The following HTT variants were observed in gnomAD, a reference collection of about 807,000 sequenced individuals.
HTT encodes huntingtin, also known as huntington disease protein.
Under a neutral mutation model 362.3 loss-of-function variants are expected in HTT, and 104 were observed. The ratio of observed to expected loss-of-function variants is 0.29; its 90% confidence interval spans 0.24 to 0.34. The LOEUF is 0.34. Among genes scored for constraint, HTT ranks in the 10% least tolerant of loss-of-function variants. The probability of loss-of-function intolerance (pLI) is 1.00; values close to 1 mark genes in which losing one functional copy is unlikely to be tolerated. For synonymous variants in HTT, 1,577 were observed against 1,548.7 expected, an observed-to-expected ratio of 1.02 and a Z score of -0.43; for missense variants, 3,301 against 3,928.6, an observed-to-expected ratio of 0.84 and a Z score of 4.27.
chr4:3,236,326 G>A, intron 64 of HTT, 72 bp downstream of exon 64: 1 of 1,027,184 alleles, frequency 9.7e-7, no homozygotes, highest in Non-Finnish European at 1.5e-6. Flanking sequence ...GCTTTTGTGT[G>A]TGTCTGCTGA....
intron 26 of HTT, among the ~76,000 whole-genome samples, chr4:3,149,670 C>T (rs1290640929): frequency 6.6e-6 from 1 of 152,138 alleles, no homozygotes; most frequent in Admixed American, 6.6e-5. Flanking sequence ...TGTCTTCTAC[C>T]TTTAAAAATC....
chr4:3,113,518 C>T (rs551035849), intron 6 of HTT, among the ~76,000 whole-genome samples: 16 of 152,172 alleles, frequency 1.1e-4, no homozygotes, highest in South Asian at 2.1e-4. Flanking sequence ...TTAGTAGAGA[C>T]GGGGTTTCAC....
At chr4:3,099,977 A>G (rs1714070951) in intron 3 of HTT, among the ~76,000 whole-genome samples, 1 of 151,732 alleles carries the variant, frequency 6.6e-6, no homozygotes, top group Non-Finnish European at 1.5e-5. Context: ...TGGTTTGGAG[A>G]TGCTCTGGTA....
chr4:3,101,456 C>T (rs1026766968), intron 3 of HTT, among the ~76,000 whole-genome samples: 4 of 152,174 alleles, frequency 2.6e-5, no homozygotes, highest in Admixed American at 6.5e-5. Flanking sequence ...GGGCTGGCAG[C>T]GGGATCAGGA....
chr4:3,230,047 G>A lies in HTT; in HGVS notation c.8265+5G>A. The A allele has an allele frequency of 6.2e-7, 1 of 1,613,394 alleles. No homozygotes were observed. Among genetic ancestry groups the A allele is most frequent in the Non-Finnish European group, 8.5e-7 (1 of 1,179,352 alleles). On this transcript the variant is annotated splice_donor_5th_base_variant and intron_variant, in intron 60 of 66. Coordinates refer to ENST00000355072, the MANE Select transcript of HTT (RefSeq NM_001388492.1). ...GCAGCTGCCGTCCTTGGGATGGTAAGTGACAGGTGGCACAGAGGTTTCTGT... is the reference window on the plus strand; with the variant it reads ...GCAGCTGCCGTCCTTGGGATGGTAAATGACAGGTGGCACAGAGGTTTCTGT...
intron 51 of HTT, among the ~76,000 whole-genome samples, chr4:3,216,548 C>G (rs1438656238): frequency 1.3e-5 from 2 of 152,208 alleles, no homozygotes; most frequent in Non-Finnish European, 2.9e-5. Flanking sequence ...AGTTAGATTT[C>G]CATTGCTTTA....
At chr4:3,146,511 C>G (rs1228328654) in intron 24 of HTT, among the ~76,000 whole-genome samples, 1 of 152,210 alleles carries the variant, frequency 6.6e-6, no homozygotes, top group African/African-American at 2.4e-5. Flanking sequence ...TGTCTCATCT[C>G]CAGTTCAGCA....
Position 3,210,037 on chromosome 4 carries a change from G to C in HTT, c.6414+88G>C, listed in dbSNP as rs549271263. On this transcript the variant is annotated intron_variant, in intron 47 of 66. Transcript: ENST00000355072. Reference sequence around the variant, plus strand: ...TGTCTCATCATCATGTGACCCACTTGTTGACAACACATGTTGGGGACTCCA... The same window carrying C: ...TGTCTCATCATCATGTGACCCACTTCTTGACAACACATGTTGGGGACTCCA... 85 of 1,514,634 alleles carry C rather than the reference G, an allele frequency of 5.6e-5. No individual in the cohort carries two copies. The African/African-American group carries it at 1.0e-3, about 18-fold the overall frequency. The allele number at this position is 1,514,634 out of a possible 1,614,324, so 93.8% of individuals were successfully genotyped here.
intron 3 of HTT, among the ~76,000 whole-genome samples, chr4:3,103,221 A>AATTT (rs1553911624): frequency 9.2e-6 from 1 of 109,070 alleles, no homozygotes; most frequent in African/African-American, 3.7e-5. Flanking sequence ...TATATATATA[A>AATTT]TTTTTTTTTT....
In HTT at chr4:3,146,820, A is replaced by G. The variant is rs78958847; in HGVS notation, c.3167A>G (p.Asp1056Gly). The change falls in exon 25 of 67, where the codon GAT becomes GGT. Residue 1056 changes from aspartate to glycine, a missense_variant. Asp to Gly is a moderately conservative substitution (Grantham distance 94). Transcript: ENST00000355072. ...HCGVPPLSAS[D>G]ESRKSCTVGM... ...AGAGTGCCTCCACTGAGTGCCTCAG[A>G]TGAGTCTAGGAAGAGCTGTACCGTT... 6.2e-7 allele frequency: 1 copy of G among 1,614,166 alleles called. No individual in the cohort carries two copies. Among genetic ancestry groups the G allele is most frequent in the South Asian group, 1.1e-5 (1 of 91,084 alleles).
At chr4:3,130,688 G>C (rs556000064) in intron 14 of HTT, among the ~76,000 whole-genome samples, 1 of 152,248 alleles carries the variant, frequency 6.6e-6, no homozygotes, top group South Asian at 2.1e-4. Context: ...TGATTTCTTG[G>C]ATCATTCATT....
intron 47 of HTT, among the ~76,000 whole-genome samples, chr4:3,210,641 A>G (rs146502733): frequency 4.6e-5 from 7 of 152,142 alleles, no homozygotes; most frequent in African/African-American, 1.2e-4. Flanking sequence ...TGGTGCAGCC[A>G]TGGCCCAAGC....
chr4:3,107,270 C>T lies in HTT; in HGVS notation c.609-15C>T. On this transcript the variant is annotated splice_polypyrimidine_tract_variant and intron_variant, in intron 5 of 66. Coordinates refer to ENST00000355072, the MANE Select transcript of HTT (RefSeq NM_001388492.1). ...GAGAGCTGGAAGAATGACTTGCGTT[C>T]TTTTGCATACACAGGCCTTACCTGG... is the stretch of plus-strand genomic sequence containing the variant. 6.2e-7 allele frequency: 1 copy of T among 1,609,284 alleles called. No homozygotes were observed. The highest frequency in any genetic ancestry group is 1.1e-5 in the South Asian group (1 of 90,262).
intron 2 of HTT, among the ~76,000 whole-genome samples, chr4:3,097,426 G>A (rs1386635741): frequency 6.6e-6 from 1 of 152,170 alleles, no homozygotes; most frequent in Non-Finnish European, 1.5e-5. Flanking sequence ...GAGGTCAGGA[G>A]TTTGGGACCA....
chr4:3,180,185 G>A (rs185835220), intron 35 of HTT, among the ~76,000 whole-genome samples: 3 of 152,210 alleles, frequency 2.0e-5, no homozygotes, highest in Admixed American at 1.3e-4. Flanking sequence ...GACCAGGAAT[G>A]TTGCTGTTTT....
At chr4:3,148,847 C>G (rs1416858387) in intron 26 of HTT, among the ~76,000 whole-genome samples, 1 of 152,036 alleles carries the variant, frequency 6.6e-6, no homozygotes, top group Non-Finnish European at 1.5e-5. Context: ...ATCCCAGCTA[C>G]TTGGGAGGCT....
intron 63 of HTT, 56 bp from the exon 64 acceptor site, chr4:3,236,093 A>G (rs1195373735): frequency 5.6e-6 from 7 of 1,239,460 alleles, no homozygotes; most frequent in East Asian, 2.3e-5. Context: ...AGCACTGTCT[A>G]CAGAGCCTAT....
In HTT at chr4:3,161,903, C is replaced by T. The variant is rs575032683; in HGVS notation, c.3864+1511C>T. Among the ~76,000 whole-genome samples, 138 of 152,258 alleles carry T rather than the reference C, an allele frequency of 9.1e-4. No homozygotes were observed. The Middle Eastern group carries it at 0.014, about 15-fold the overall frequency. On this transcript the variant is annotated intron_variant, in intron 29 of 66. Coordinates refer to ENST00000355072, the MANE Select transcript of HTT (RefSeq NM_001388492.1). Reference sequence around the variant, plus strand: ...TTCACTCTGATGATAGTTTCTTTTGCTATGCAGAAGCTCTTTAGTTTAATT... The same window carrying T: ...TTCACTCTGATGATAGTTTCTTTTGTTATGCAGAAGCTCTTTAGTTTAATT...
intron 14 of HTT, among the ~76,000 whole-genome samples, chr4:3,130,743 T>C (rs1223760742): frequency 6.6e-6 from 1 of 152,238 alleles, no homozygotes; most frequent in Non-Finnish European, 1.5e-5. Context: ...TTGGTTCTAC[T>C]GAACTGTTCT....
Sources: allele counts gnomAD v4.1 joint callset (sites outside exome capture counted in the v4.1 genomes callset), GRCh38; gene constraint gnomAD v4.1.1; transcripts MANE v1.5; gene names NCBI Gene and HGNC (gene_info 2026-07-23, HGNC 2026-07-21).